Variants in KDM4B observed in about 807,000 individuals in gnomAD.
The protein encoded by KDM4B is lysine-specific demethylase 4B.
Under a neutral mutation model 125.2 loss-of-function variants are expected in KDM4B, and 32 were observed. The ratio of observed to expected loss-of-function variants is 0.26; its 90% CI spans 0.19 to 0.34. KDM4B has a LOEUF of 0.34. Among genes scored for constraint, KDM4B ranks in the 10% least tolerant of loss-of-function variants. The pLI is 1.00. For missense variants in KDM4B, 1,190 were observed against 1,577.7 expected, an observed-to-expected ratio of 0.75 and a Z score of 4.16; for synonymous variants, 721 against 677.9, an observed-to-expected ratio of 1.06 and a Z score of -0.99.
rs59988738 is a variant in KDM4B at position 5,027,472 on chromosome 19, C to T, written c.-25-5394C>T. Among the ~76,000 whole-genome samples, 460 of 152,014 alleles carry T rather than the reference C, an allele frequency of 3.0e-3. 5 individuals carry two copies. Among genetic ancestry groups the T allele is most frequent in the African/African-American group, 0.01 (425 of 41,458 alleles). ...AGTGCCAGTTTCCTCTCTTCTTTTG[C>T]GAGTTCAGGAGAGCATTATTCTTTC... is the stretch of plus-strand genomic sequence containing the variant. On this transcript the variant is annotated intron_variant, in intron 2 of 22. Transcript: ENST00000159111.
At chr19:5,097,222 G>A (rs1021243508) in intron 9 of KDM4B, among the ~76,000 whole-genome samples, 3 of 152,192 alleles carry the variant, frequency 2.0e-5, no homozygotes, top group Non-Finnish European at 2.9e-5. Flanking sequence ...CCCACGTGGC[G>A]CATCAGTCGG....
intron 6 of KDM4B, among the ~76,000 whole-genome samples, chr19:5,059,701 A>G (rs2037523267): frequency 6.6e-6 from 1 of 152,192 alleles, no homozygotes; most frequent in Admixed American, 6.5e-5. Context: ...CTCGGTCACC[A>G]GGGGCCTGGC....
In KDM4B at chr19:5,151,845, A is replaced by C; in HGVS notation, c.*334A>C. On this transcript the variant is annotated 3_prime_UTR_variant, in exon 23 of 23. Coordinates refer to ENST00000159111, the MANE Select transcript of KDM4B (RefSeq NM_015015.3). ...AGATTGTCACTTCTGTACATAAACC[A>C]CCTTTGTGAGGCTCTTTCTATAAAT... 1 of 275,748 alleles carries C rather than the reference A, an allele frequency of 3.6e-6. No homozygotes were observed. The allele number at this position is 275,748 out of a possible 1,614,324, so 17.1% of individuals were successfully genotyped here.
At position 5,126,037 on chromosome 19, in the gene KDM4B, A is replaced by G. The variant is rs989080298; in HGVS notation, c.1316-5039A>G. 5.3e-5 allele frequency among the ~76,000 whole-genome samples: 8 copies of G among 152,190 alleles called. No individual in the cohort carries two copies. The East Asian group carries it at 1.3e-3, about 26-fold the overall frequency. ...CGGTTTCTGGTCCTCCTTGAATGCC[A>G]GTTTCACGCCCCTAAAAGCTATGAC... On this transcript the variant is annotated intron_variant, in intron 11 of 22. Coordinates refer to ENST00000159111, the MANE Select transcript of KDM4B (RefSeq NM_015015.3).
intron 10 of KDM4B, chr19:5,113,846 CCCT>C: frequency 1.0e-6 from 1 of 974,090 alleles, no homozygotes; most frequent in Non-Finnish European, 1.2e-6. Flanking sequence ...GCCTTCCCTG[CCCT>C]CGGCGTGGCT....
rs917141363 is a variant in KDM4B, at chr19:5,095,860, TTGTG to T, written c.918+13364_918+13367del. 4.0e-4 allele frequency among the ~76,000 whole-genome samples: 61 copies of T among 152,250 alleles called. 1 individual carries two copies. The highest frequency in any genetic ancestry group is 1.4e-3 in the African/African-American group (57 of 41,562). ...CAGCACTTATGTGCGAGCATGTCGT[TTGTG>T]TGTGTGTTTCCCTGGGAATCAGACC... On this transcript the variant is annotated intron_variant, in intron 9 of 22. Coordinates refer to ENST00000159111, the MANE Select transcript of KDM4B (RefSeq NM_015015.3).
chr19:5,040,127 G>A, intron 4 of KDM4B, 116 bp downstream of exon 4: 2 of 1,146,174 alleles, frequency 1.7e-6, no homozygotes, highest in Non-Finnish European at 1.2e-6. Flanking sequence ...TGGCCGGCCT[G>A]CTCTGTGTGC....
intron 6 of KDM4B, among the ~76,000 whole-genome samples, chr19:5,059,367 T>C (rs1327156852): frequency 6.6e-6 from 1 of 152,242 alleles, no homozygotes; most frequent in Non-Finnish European, 1.5e-5. Flanking sequence ...ATGACAGCGA[T>C]GCTAATGGCC....
rs58219404 is a variant in KDM4B at position 5,035,880 on chromosome 19, T to TGTGTGTGCGCGCGC, written c.141+2850_141+2851insTGTGTGCGCGCGCG. On this transcript the variant is annotated intron_variant, in intron 3 of 22. Coordinates refer to ENST00000159111, the MANE Select transcript of KDM4B (RefSeq NM_015015.3). The surrounding 1 kb of genome is among the most constrained non-coding windows in gnomAD (Gnocchi z 5.3). ...ACGTGTCTCTGTGTGTGTGTGTGTG[T>TGTGTGTGCGCGCGC]GCGCGCGCGCGCGCGCCTGCGCGCA... Among the ~76,000 whole-genome samples the TGTGTGTGCGCGCGC allele has an allele frequency of 2.4e-4, 33 of 136,500 alleles. No homozygotes were observed. The highest frequency in any genetic ancestry group is 3.8e-3 in the Middle Eastern group (1 of 266). The allele number at this position is 136,500 out of a possible 152,430, so 89.5% of individuals were successfully genotyped here.
intron 1 of KDM4B, among the ~76,000 whole-genome samples, chr19:4,985,093 C>T (rs570271323): frequency 6.6e-6 from 1 of 152,204 alleles, no homozygotes; most frequent in Admixed American, 6.5e-5. Flanking sequence ...GAGGCCAAGG[C>T]GGGCAGATCA....
At chr19:5,062,197 T>A (rs1164085862) in intron 6 of KDM4B, among the ~76,000 whole-genome samples, 1 of 152,222 alleles carries the variant, frequency 6.6e-6, no homozygotes, top group Non-Finnish European at 1.5e-5. Context: ...AGCCAGGATA[T>A]GGGACCTCAG....
At chr19:5,097,072 A>G (rs1265994113) in intron 9 of KDM4B, among the ~76,000 whole-genome samples, 1 of 152,130 alleles carries the variant, frequency 6.6e-6, no homozygotes, top group Non-Finnish European at 1.5e-5. Context: ...CACGTGCCCC[A>G]TGGCCATCGG....
intron 9 of KDM4B, among the ~76,000 whole-genome samples, chr19:5,093,430 C>T (rs1320068864): frequency 6.6e-6 from 1 of 152,180 alleles, no homozygotes; most frequent in Non-Finnish European, 1.5e-5. Context: ...AATGGCCCCG[C>T]AGCCGAAGCC....
At chr19:5,051,572 C>G (rs1014642916) in intron 6 of KDM4B, among the ~76,000 whole-genome samples, 5 of 152,256 alleles carry the variant, frequency 3.3e-5, no homozygotes, top group Non-Finnish European at 7.3e-5. Context: ...GCTGCTTGCA[C>G]TGGCTCCAAG....
At chr19:5,070,962 C>T (rs1360973354) in intron 6 of KDM4B, 48 bp from the exon 7 acceptor site, 14 of 1,604,430 alleles carry the variant, frequency 8.7e-6, no homozygotes, top group South Asian at 5.5e-5. Flanking sequence ...CACCCCCTTG[C>T]GTGGCTGCCA....
At chr19:5,016,865 A>G (rs1273341648) in intron 2 of KDM4B, among the ~76,000 whole-genome samples, 1 of 152,194 alleles carries the variant, frequency 6.6e-6, no homozygotes, top group Non-Finnish European at 1.5e-5. Flanking sequence ...GGTGGCACAA[A>G]GAGGTGCCTC....
chr19:5,132,217 G>GGCTCT (rs2146061823), intron 13 of KDM4B, among the ~76,000 whole-genome samples: 1 of 152,312 alleles, frequency 6.6e-6, no homozygotes, highest in Non-Finnish European at 1.5e-5. Context: ...AGAGATGCTC[G>GGCTCT]GCTCTGCTCT....
chr19:5,082,357 C>T lies in KDM4B; in HGVS notation c.781-10C>T, dbSNP rs747918011. ...GGCCCTGCCCTCACCTGTCTCCTTTCCCTCTGCAGATCACGCAGGAGGCCG... is the reference window on the plus strand; with the variant it reads ...GGCCCTGCCCTCACCTGTCTCCTTTTCCTCTGCAGATCACGCAGGAGGCCG... On this transcript the variant is annotated splice_polypyrimidine_tract_variant and intron_variant, in intron 8 of 22. Coordinates refer to ENST00000159111, the MANE Select transcript of KDM4B (RefSeq NM_015015.3). This position sits in a 1 kb window ranked among gnomAD's most constrained non-coding sequence, Gnocchi z 5.4. The T allele has an allele frequency of 1.9e-6, 3 of 1,613,416 alleles. 1 individual carries two copies. Among genetic ancestry groups the T allele is most frequent in the South Asian group, 2.2e-5 (2 of 91,060 alleles).
rs2039746341 is a variant in KDM4B at position 5,141,698 on chromosome 19, CA to C, written c.2551-2268del. ...AGGGCTCCAGGCAGTCCTGGTGAGT[CA>C]GGGGGCTCCGGCTGGCCGCCCGCCT... On this transcript the variant is annotated intron_variant, in intron 18 of 22. Transcript: ENST00000159111. The surrounding 1 kb of genome is among the most constrained non-coding windows in gnomAD (Gnocchi z 6.4). 6.6e-6 allele frequency among the ~76,000 whole-genome samples: 1 copy of C among 152,194 alleles called. No homozygotes were observed. Among genetic ancestry groups the C allele is most frequent in the Non-Finnish European group, 1.5e-5 (1 of 68,038 alleles).
Sources: gnomAD v4.1 joint callset for allele counts (sites outside exome capture counted in the v4.1 genomes callset) on GRCh38, gnomAD v4.1.1 for gene constraint, Gnocchi (gnomAD v3.1) non-coding constraint, MANE v1.5 for transcripts, NCBI Gene and HGNC (gene_info 2026-07-23, HGNC 2026-07-21) for gene names.